The following TMEM131L variants were observed in gnomAD, a reference collection of about 807,000 sequenced individuals.
TMEM131L encodes the protein transmembrane 131 like, also known as transmembrane protein 131-like.
TMEM131L carries 54 observed loss-of-function variants against 192.2 expected under a neutral mutation model. The ratio of observed to expected loss-of-function variants is 0.28; its 90% CI spans 0.23 to 0.35. The LOEUF is 0.35. Ranked by LOEUF, TMEM131L falls within the 10% of genes least tolerant of loss-of-function variation. TMEM131L has a pLI of 1.00. For missense variants in TMEM131L, 1,888 were observed against 1,972.9 expected (o/e 0.96, Z 0.82); for synonymous variants, 701 against 704.9 (o/e 0.99, Z 0.09).
chr4:153,505,677 T>C (rs1489428099), intron 3 of TMEM131L, among the ~76,000 whole-genome samples: 1 of 152,224 alleles, frequency 6.6e-6, no homozygotes, highest in Non-Finnish European at 1.5e-5. Context: ...TCATGACACA[T>C]TACTGGTATG....
intron 17 of TMEM131L, among the ~76,000 whole-genome samples, 171 bp from the exon 18 acceptor site, chr4:153,592,304 T>C (rs563504435): frequency 7.2e-5 from 11 of 152,134 alleles, no homozygotes; most frequent in Non-Finnish European, 1.6e-4. Flanking sequence ...GTTCTTTGCC[T>C]TTTATGACAT....
At chr4:153,618,914 C>T (rs962834798) in intron 26 of TMEM131L, among the ~76,000 whole-genome samples, 2 of 152,158 alleles carry the variant, frequency 1.3e-5, no homozygotes, top group African/African-American at 2.4e-5. Context: ...TTCTCAGCCA[C>T]ATCCCTCCTC....
rs1731148715 is a variant in TMEM131L at position 153,592,542 on chromosome 4, T to C, written c.1880T>C (p.Leu627Ser). 6.2e-7 allele frequency: 1 copy of C among 1,614,160 alleles called. No homozygotes were observed. Among genetic ancestry groups the C allele is most frequent in the Non-Finnish European group, 8.5e-7 (1 of 1,179,994 alleles). Residue 627 changes from leucine (L) to serine (S), a missense_variant, in exon 18 of 35, where the codon TTG becomes TCG. Leu to Ser is a moderately radical substitution (Grantham distance 145, BLOSUM62 -2). Transcript: ENST00000409959. ...TCCTTGCAGCTCCTGCCTCTCTCCT[T>C]GTACCCTAAACCCGAAGCCCTAGTG... ...PVSLQLLPLSLYPKPEALVHL... is the reference protein window; with the variant it reads ...PVSLQLLPLSSYPKPEALVHL...
Position 153,604,124 on chromosome 4 carries a change from G to A in TMEM131L, c.3112G>A (p.Gly1038Ser). The change falls in exon 25 of 35, where the codon GGC (glycine) becomes AGC (serine). Residue 1038 changes from glycine (G) to serine (S), a missense_variant. Gly to Ser is a moderately conservative substitution (Grantham distance 56). Transcript: ENST00000409959. ...CTGGATCAGCCTCAGATATGCAAGTGGCATAAATGTCAACCTGCAGAAGAA... is the reference window on the plus strand; with the variant it reads ...CTGGATCAGCCTCAGATATGCAAGTAGCATAAATGTCAACCTGCAGAAGAA... ...ENWISLRYAS[G>S]INVNLQKNLT... The A allele has an allele frequency of 6.2e-7, 1 of 1,614,094 alleles. No homozygotes were observed. The highest frequency in any genetic ancestry group is 8.5e-7 in the Non-Finnish European group (1 of 1,180,004).
rs192933256 is a variant in TMEM131L at position 153,585,654 on chromosome 4, C to T, written c.1311+43C>T. 2,374 of 1,491,076 alleles carry T rather than the reference C, an allele frequency of 1.6e-3. 4 individuals are homozygous for T. The highest frequency in any genetic ancestry group is 1.8e-3 in the Non-Finnish European group (2,003 of 1,099,782). 92.4% of individuals were successfully genotyped at this position (1,491,076 alleles called of 1,614,324 possible). On this transcript the variant is annotated intron_variant, in intron 13 of 34. Coordinates refer to ENST00000409959, the MANE Select transcript of TMEM131L (RefSeq NM_001131007.2). Reference sequence around the variant, plus strand: ...TCCCCAAGTTTTAGCTTATTTTAAGCTTTGTTTAAGGTCAGATGCTGTGAA... The same window carrying T: ...TCCCCAAGTTTTAGCTTATTTTAAGTTTTGTTTAAGGTCAGATGCTGTGAA...
intron 3 of TMEM131L, among the ~76,000 whole-genome samples, chr4:153,537,855 G>A (rs563679548): frequency 6.6e-6 from 1 of 152,276 alleles, no homozygotes; most frequent in South Asian, 2.1e-4. Flanking sequence ...TAGGAATTTA[G>A]CCTCATTGTT....
rs1262097935 is a variant in TMEM131L, at chr4:153,602,726, A to C, written c.2638A>C (p.Ser880Arg). ...SFWRLTVFFV[S>R]LSLLGVILIA... ...TTGGAGGCTCACGGTCTTCTTTGTC[A>C]GGTAAACCACTACTGTCTCCCTTGT... is the stretch of plus-strand genomic sequence containing the variant. Residue 880 changes from serine to arginine, a missense_variant and splice_region_variant, in exon 23 of 35, where the codon AGT becomes CGT. Transcript: ENST00000409959. The C allele has an allele frequency of 6.2e-7, 1 of 1,613,870 alleles. No individual in the cohort carries two copies. Among genetic ancestry groups the C allele is most frequent in the East Asian group, 2.2e-5 (1 of 44,880 alleles).
intron 3 of TMEM131L, among the ~76,000 whole-genome samples, chr4:153,491,842 G>A (rs1732807499): frequency 6.6e-6 from 1 of 152,024 alleles, no homozygotes; most frequent in Non-Finnish European, 1.5e-5. Context: ...GAGTAGCTGG[G>A]ACTACAGGCA....
intron 3 of TMEM131L, among the ~76,000 whole-genome samples, chr4:153,479,666 A>G (rs1731785152): frequency 6.6e-6 from 1 of 152,188 alleles, no homozygotes; most frequent in Non-Finnish European, 1.5e-5. Flanking sequence ...TGTTTTTAAA[A>G]TGTACTTTTA....
chr4:153,629,641 CT>C (rs1203920994), intron 31 of TMEM131L, among the ~76,000 whole-genome samples: 8 of 152,208 alleles, frequency 5.3e-5, no homozygotes, highest in Admixed American at 4.6e-4. Context: ...TGTAATCTGG[CT>C]TTTGCCACCA....
At chr4:153,588,651 A>G (rs1199706824) in intron 15 of TMEM131L, among the ~76,000 whole-genome samples, 1 of 152,112 alleles carries the variant, frequency 6.6e-6, no homozygotes, top group Non-Finnish European at 1.5e-5. Context: ...TGTGTCTTTT[A>G]CGTTATTACC....
intron 3 of TMEM131L, among the ~76,000 whole-genome samples, chr4:153,538,774 TGA>T (rs1480119447): frequency 1.3e-5 from 2 of 152,230 alleles, no homozygotes; most frequent in Non-Finnish European, 2.9e-5. Flanking sequence ...TTCTCTCTCC[TGA>T]GAGAGTCTGC....
intron 26 of TMEM131L, 77 bp downstream of exon 26, chr4:153,612,477 A>G: frequency 1.8e-6 from 2 of 1,127,516 alleles, no homozygotes; most frequent in South Asian, 3.2e-5. Context: ...TGTGTATTTC[A>G]TATGTTTCAC....
intron 26 of TMEM131L, among the ~76,000 whole-genome samples, chr4:153,613,342 T>C (rs1732763794): frequency 6.6e-6 from 1 of 152,198 alleles, no homozygotes; most frequent in Non-Finnish European, 1.5e-5. Flanking sequence ...ATTGAAATTT[T>C]AACCAAGTAA....
intron 19 of TMEM131L, among the ~76,000 whole-genome samples, 176 bp downstream of exon 19, chr4:153,594,047 G>A (rs949517898): frequency 2.0e-5 from 3 of 152,132 alleles, no homozygotes; most frequent in Non-Finnish European, 4.4e-5. Flanking sequence ...AGTGCGGTAG[G>A]AGCTGGGTTT....
intron 3 of TMEM131L, among the ~76,000 whole-genome samples, chr4:153,506,600 T>C (rs1489324901): frequency 6.6e-6 from 1 of 152,072 alleles, no homozygotes; most frequent in Non-Finnish European, 1.5e-5. Flanking sequence ...CCCAGCGCTT[T>C]GAGAGGCCAA....
rs779551764 is a variant in TMEM131L, at chr4:153,557,107, CA to C, written c.549+27del. Reference sequence around the variant, plus strand: ...TGTGAGTAACTTTTTCCTTTTGTCACAACTTTGGTTGGTGACTTAACTGTAG... The same window carrying C: ...TGTGAGTAACTTTTTCCTTTTGTCACACTTTGGTTGGTGACTTAACTGTAG... On this transcript the variant is annotated intron_variant, in intron 6 of 34. Coordinates refer to ENST00000409959, the MANE Select transcript of TMEM131L (RefSeq NM_001131007.2). 3.5e-6 allele frequency: 4 copies of C among 1,130,498 alleles called. No homozygotes were observed. In the East Asian group the frequency reaches 9.4e-5, roughly 27 times the overall value. The allele number at this position is 1,130,498 out of a possible 1,614,324, so 70.0% of individuals were successfully genotyped here.
chr4:153,504,505 C>A (rs913199033), intron 3 of TMEM131L, among the ~76,000 whole-genome samples: 1 of 150,046 alleles, frequency 6.7e-6, no homozygotes. Flanking sequence ...GTCTCTAACT[C>A]CTGACTTTGT....
intron 3 of TMEM131L, among the ~76,000 whole-genome samples, chr4:153,479,218 C>T (rs1366015562): frequency 1.3e-5 from 2 of 152,178 alleles, no homozygotes; most frequent in Non-Finnish European, 2.9e-5. Flanking sequence ...GGTAATTGGC[C>T]TCATTGAAGA....
Sources: allele counts gnomAD v4.1 joint callset (sites outside exome capture counted in the v4.1 genomes callset), GRCh38; gene constraint gnomAD v4.1.1; transcripts MANE v1.5; gene names NCBI Gene and HGNC (gene_info 2026-07-23, HGNC 2026-07-21).